PCCA: variants seen among roughly 807,000 people sequenced by gnomAD.
PCCA encodes propionyl-CoA carboxylase subunit alpha, also known as propionyl-CoA carboxylase alpha chain, mitochondrial.
Under a neutral mutation model 101.3 loss-of-function variants are expected in PCCA, and 74 were observed. The ratio of observed to expected loss-of-function variants is 0.73; its 90% CI spans 0.61 to 0.89. The LOEUF (loss-of-function observed/expected upper bound fraction) is 0.89, where lower values mean the gene tolerates loss of function less well. Among genes scored for constraint, PCCA ranks in the 40% least tolerant of loss-of-function variants. The probability of loss-of-function intolerance (pLI) is 0.00; values close to 1 mark genes in which losing one functional copy is unlikely to be tolerated. For synonymous variants in PCCA, 294 were observed against 313.6 expected (o/e 0.94, Z 0.66); for missense variants, 891 against 907.0 (o/e 0.98, Z 0.23).
chr13:100,497,005 A>C (rs1004138662), intron 21 of PCCA, among the ~76,000 whole-genome samples: 1 of 152,196 alleles, frequency 6.6e-6, no homozygotes, highest in South Asian at 2.1e-4. Flanking sequence ...GTACAAGTGC[A>C]CTTGTTCTCA....
At chr13:100,440,382 A>T (rs1410567933) in intron 20 of PCCA, among the ~76,000 whole-genome samples, 1 of 151,074 alleles carries the variant, frequency 6.6e-6, no homozygotes, top group African/African-American at 2.4e-5. Flanking sequence ...TTGTAACCTT[A>T]AATTTCAGTT....
chr13:100,391,147 A>G (rs1298085160), intron 19 of PCCA, among the ~76,000 whole-genome samples: 1 of 151,030 alleles, frequency 6.6e-6, no homozygotes. Flanking sequence ...CCTCCCAAGT[A>G]GCTGGGACTA....
rs957765151 is a variant in PCCA at position 100,118,047 on chromosome 13, C to T, written c.300+5986C>T. Among the ~76,000 whole-genome samples the T allele has an allele frequency of 1.8e-4, 27 of 147,904 alleles. No homozygotes were observed. In the South Asian group the frequency reaches 5.6e-3, roughly 31 times the overall value. ...AGGAGAATGGTGTGAACCCGGGAGG[C>T]GGAGCTTGCAGTGAGCTGAGATCGT... On this transcript the variant is annotated intron_variant, in intron 4 of 23. Coordinates refer to ENST00000376285, the MANE Select transcript of PCCA (RefSeq NM_000282.4).
chr13:100,241,501 C>T (rs766417793), intron 8 of PCCA, among the ~76,000 whole-genome samples: 3 of 152,200 alleles, frequency 2.0e-5, no homozygotes, highest in East Asian at 3.9e-4. Flanking sequence ...GATAGGGTCT[C>T]GCTCTTTTAC....
At chr13:100,231,989 C>T (rs1425445121) in intron 7 of PCCA, among the ~76,000 whole-genome samples, 2 of 152,142 alleles carry the variant, frequency 1.3e-5, no homozygotes, top group African/African-American at 4.8e-5. Flanking sequence ...GCTATGTACT[C>T]CAACTTGCTA....
intron 19 of PCCA, among the ~76,000 whole-genome samples, chr13:100,411,158 C>G (rs2078026842): frequency 6.6e-6 from 1 of 151,200 alleles, no homozygotes; most frequent in African/African-American, 2.4e-5. Flanking sequence ...ACTTTACAAA[C>G]TTGGCAGAAA....
chr13:100,348,787 T>TTTCTTTCTTC (rs2072771494), intron 18 of PCCA, among the ~76,000 whole-genome samples: 1 of 46,622 alleles, frequency 2.1e-5, no homozygotes, highest in Non-Finnish European at 4.5e-5. Flanking sequence ...TTTCTTTCTT[T>TTTCTTTCTTC]CTTCCTTCCT....
intron 6 of PCCA, among the ~76,000 whole-genome samples, chr13:100,189,840 C>A (rs1566668823): frequency 1.3e-5 from 2 of 152,204 alleles, no homozygotes; most frequent in East Asian, 1.9e-4. Context: ...TAAAATCACA[C>A]CTTTTTCAGC....
chr13:100,299,793 A>G (rs957027118), intron 12 of PCCA, among the ~76,000 whole-genome samples: 5 of 152,014 alleles, frequency 3.3e-5, no homozygotes, highest in Admixed American at 6.6e-5. Context: ...TCGGCTCACT[A>G]CAGCCTTCTC....
At position 100,351,747 on chromosome 13, in the gene PCCA, A is replaced by G. The variant is rs571776687; in HGVS notation, c.1643+11488A>G. ...ATTTAATAATAATAGATTAGTGAAG[A>G]TAAAAATGCATATGTTTAGATATTG... is the stretch of plus-strand genomic sequence containing the variant. On this transcript the variant is annotated intron_variant, in intron 18 of 23. Coordinates refer to ENST00000376285, the MANE Select transcript of PCCA (RefSeq NM_000282.4). Among the ~76,000 whole-genome samples the G allele has an allele frequency of 2.6e-5, 4 of 152,328 alleles. No individual in the cohort carries two copies. The South Asian group carries it at 6.2e-4, about 24-fold the overall frequency.
At chr13:100,327,551 G>T (rs1472690633) in intron 16 of PCCA, among the ~76,000 whole-genome samples, 1 of 152,166 alleles carries the variant, frequency 6.6e-6, no homozygotes, top group Non-Finnish European at 1.5e-5. Context: ...GTAAGTCTTT[G>T]TATAGACATA....
chr13:100,473,953 G>A (rs2083220246), intron 21 of PCCA, among the ~76,000 whole-genome samples: 1 of 152,198 alleles, frequency 6.6e-6, no homozygotes, highest in South Asian at 2.1e-4. Context: ...TCTGCTTACT[G>A]TGACTTTTTT....
chr13:100,383,194 G>A (rs1257950844), intron 19 of PCCA, among the ~76,000 whole-genome samples: 2 of 152,054 alleles, frequency 1.3e-5, no homozygotes, highest in East Asian at 4.0e-4. Context: ...TTTTCGCCAT[G>A]TTGCCTAGGC....
At chr13:100,247,714 C>G (rs2061526638) in intron 8 of PCCA, among the ~76,000 whole-genome samples, 1 of 151,870 alleles carries the variant, frequency 6.6e-6, no homozygotes, top group Non-Finnish European at 1.5e-5. Context: ...TGAGGTTTCA[C>G]CATGTTGGCC....
chr13:100,169,784 C>T (rs2055451380), intron 6 of PCCA, among the ~76,000 whole-genome samples: 1 of 151,518 alleles, frequency 6.6e-6, no homozygotes, highest in African/African-American at 2.4e-5. Flanking sequence ...GCTACAGACT[C>T]CGCCTCCCAG....
intron 18 of PCCA, among the ~76,000 whole-genome samples, chr13:100,364,656 T>G (rs2074985481): frequency 6.6e-6 from 1 of 152,192 alleles, no homozygotes; most frequent in Non-Finnish European, 1.5e-5. Context: ...AAGAGTGAAC[T>G]TACAAATAGA....
intron 12 of PCCA, among the ~76,000 whole-genome samples, chr13:100,279,502 A>T (rs2063918100): frequency 6.6e-6 from 1 of 151,914 alleles, no homozygotes; most frequent in Non-Finnish European, 1.5e-5. Flanking sequence ...TTTGAGACGG[A>T]GTCTTGCTCT....
At chr13:100,249,529 C>A (rs1160924393) in intron 8 of PCCA, among the ~76,000 whole-genome samples, 1 of 152,108 alleles carries the variant, frequency 6.6e-6, no homozygotes, top group Non-Finnish European at 1.5e-5. Flanking sequence ...TGAATTTGTT[C>A]TTTTTCTTCA....
chr13:100,244,055 C>A (rs2061303838), intron 8 of PCCA, among the ~76,000 whole-genome samples: 1 of 152,072 alleles, frequency 6.6e-6, no homozygotes. Context: ...GAAACCTTTG[C>A]AAAAACATTA....
Sources: allele counts gnomAD v4.1 joint callset (sites outside exome capture counted in the v4.1 genomes callset), GRCh38; gene constraint gnomAD v4.1.1; transcripts MANE v1.5; gene names NCBI Gene and HGNC (gene_info 2026-07-23, HGNC 2026-07-21).